MILR1: variants seen among roughly 807,000 people sequenced by gnomAD.
The protein encoded by MILR1 is allergin-1.
Under a neutral mutation model 18.5 loss-of-function variants are expected in MILR1, and 31 were observed. The ratio of observed to expected loss-of-function variants is 1.68; its 90% CI spans 1.26 to 2.26. The LOEUF (loss-of-function observed/expected upper bound fraction) is 2.26, where lower values mean the gene tolerates loss of function less well. Ranked by LOEUF, MILR1 falls within the 30% of genes most tolerant of loss-of-function variation. The pLI, the probability that MILR1 is intolerant of heterozygous loss-of-function variation, is 0.00. For missense variants in MILR1, 257 were observed against 157.4 expected (o/e 1.63, Z -3.38); for synonymous variants, 85 against 56.2 (o/e 1.51, Z -2.30).
At chr17:64,493,596 T>C in the MILR1 span, among the ~76,000 whole-genome samples, 1 of 152,050 alleles carries the variant, frequency 6.6e-6, no homozygotes, top group Admixed American at 6.6e-5. Context: ...GCCATTCTCC[T>C]GCCTCAGCCT....
At chr17:64,467,819 C>A in intron 9 of MILR1, 174 bp downstream of exon 9, 2 of 457,114 alleles carry the variant, frequency 4.4e-6, no homozygotes, top group Non-Finnish European at 8.0e-6. Flanking sequence ...TGTGTAGTCC[C>A]AGCTACTCGG....
chr17:64,477,978 T>C, the MILR1 span: 1 of 1,613,824 alleles, frequency 6.2e-7, no homozygotes, highest in Non-Finnish European at 8.5e-7. Context: ...AGAATACTCA[T>C]TTCATCATAC....
the MILR1 span, among the ~76,000 whole-genome samples, chr17:64,480,915 G>T: frequency 6.6e-6 from 1 of 152,228 alleles, no homozygotes; most frequent in East Asian, 1.9e-4. Flanking sequence ...TGGAATGCTG[G>T]AGACAAAAGC....
At chr17:64,469,233 A>C (rs150961658), downstream of MILR1, among the ~76,000 whole-genome samples, 1,508 of 152,320 alleles carry the variant, frequency 9.9e-3, 23 homozygotes, top group African/African-American at 0.034. Context: ...TCATTTTAAC[A>C]AGTACAACTA....
At chr17:64,465,363 A>G in intron 5 of MILR1, 89 bp from the exon 6 acceptor site, 1 of 917,436 alleles carries the variant, frequency 1.1e-6, no homozygotes, top group East Asian at 2.7e-5. Context: ...CTGTTTCAGA[A>G]CTTTGAGGGA....
the MILR1 span, among the ~76,000 whole-genome samples, chr17:64,489,736 G>A: frequency 6.6e-6 from 1 of 150,710 alleles, no homozygotes; most frequent in South Asian, 2.1e-4. Context: ...CAGCCTGAGT[G>A]ATAGAGTGAG....
chr17:64,496,591 G>A, the MILR1 span: 1 of 1,613,666 alleles, frequency 6.2e-7, no homozygotes, highest in South Asian at 1.1e-5. Flanking sequence ...CGTCCACCGG[G>A]AATACCTGCT....
the MILR1 span, chr17:64,482,993 T>G: frequency 6.3e-7 from 1 of 1,586,298 alleles, no homozygotes; most frequent in Non-Finnish European, 8.7e-7. Flanking sequence ...GGGTGAAGTT[T>G]AAGTACCTAA....
the MILR1 span, among the ~76,000 whole-genome samples, chr17:64,480,915 G>A: frequency 6.6e-6 from 1 of 152,228 alleles, no homozygotes; most frequent in Non-Finnish European, 1.5e-5. Flanking sequence ...TGGAATGCTG[G>A]AGACAAAAGC....
At chr17:64,472,991 A>G (rs1364942357), downstream of MILR1, among the ~76,000 whole-genome samples, 1 of 152,148 alleles carries the variant, frequency 6.6e-6, no homozygotes, top group African/African-American at 2.4e-5. Flanking sequence ...AGCTGCAAAC[A>G]TGTGTGGTCG....
chr17:64,466,718 G>C, intron 8 of MILR1, 56 bp downstream of exon 8: 1 of 1,428,196 alleles, frequency 7.0e-7, no homozygotes, highest in Non-Finnish European at 9.7e-7. Context: ...TGGTCCCTCT[G>C]ATGTCATTAT....
chr17:64,471,520 C>A (rs2037686952), downstream of MILR1, among the ~76,000 whole-genome samples: 1 of 152,184 alleles, frequency 6.6e-6, no homozygotes, highest in African/African-American at 2.4e-5. Flanking sequence ...GCAATTGAAG[C>A]AAGACACTAT....
At chr17:64,485,976 G>A in the MILR1 span, 1 of 1,041,436 alleles carries the variant, frequency 9.6e-7, no homozygotes, top group Non-Finnish European at 1.5e-6. Context: ...GAGTGCAGTG[G>A]CATGATCTCA....
At chr17:64,493,155 C>T in the MILR1 span, 462 of 968,736 alleles carry the variant, frequency 4.8e-4, 3 homozygotes, top group African/African-American at 6.8e-3. Context: ...TGGTGGCTCA[C>T]GCCTATAATC....
At chr17:64,463,876 T>C (rs1381550537) in intron 5 of MILR1, among the ~76,000 whole-genome samples, 1 of 143,476 alleles carries the variant, frequency 7.0e-6, no homozygotes, top group South Asian at 2.2e-4. Context: ...CAGGCTGGAG[T>C]GCAGTGGCAC....
At chr17:64,486,756 G>A in the MILR1 span, 1 of 152,060 alleles carries the variant, frequency 6.6e-6, no homozygotes, top group African/African-American at 2.4e-5. Context: ...AAAGGGGTTT[G>A]GAGTATAATT....
At chr17:64,482,891 A>C in the MILR1 span, 1 of 1,245,320 alleles carries the variant, frequency 8.0e-7, no homozygotes, top group African/African-American at 1.9e-5. Context: ...TCTGTAATTA[A>C]AATGACATTT....
At chr17:64,466,775 C>A in intron 8 of MILR1, 113 bp downstream of exon 8, 1 of 857,160 alleles carries the variant, frequency 1.2e-6, no homozygotes, top group Non-Finnish European at 1.8e-6. Flanking sequence ...GGGAGCAATG[C>A]AGGCACACTG....
At chr17:64,496,479 T>G in the MILR1 span, 1 of 1,611,078 alleles carries the variant, frequency 6.2e-7, no homozygotes, top group South Asian at 1.1e-5. Flanking sequence ...AGCTGTTCCT[T>G]ACTCAGCTCT....
Sources: allele counts gnomAD v4.1 joint callset (sites outside exome capture counted in the v4.1 genomes callset), GRCh38; gene constraint gnomAD v4.1.1; transcripts MANE v1.5; gene names NCBI Gene and HGNC (gene_info 2026-07-23, HGNC 2026-07-21).